RICTOR: variants seen among roughly 807,000 people sequenced by gnomAD.
RICTOR encodes RPTOR independent companion of MTOR complex 2.
In RICTOR, 49 loss-of-function variants were observed where a neutral mutation model predicts 214.9. The ratio of observed to expected loss-of-function variants is 0.23; its 90% CI spans 0.18 to 0.29. RICTOR has a LOEUF of 0.29. Ranked by LOEUF, RICTOR falls within the 10% of genes least tolerant of loss-of-function variation. The probability of loss-of-function intolerance (pLI) is 1.00; values close to 1 mark genes in which losing one functional copy is unlikely to be tolerated. For missense variants in RICTOR, 1,625 were observed against 2,047.0 expected (o/e 0.79, Z 3.98); for synonymous variants, 717 against 711.3 (o/e 1.01, Z -0.13).
chr5:39,028,090 G>C (rs1249556087), intron 2 of RICTOR, among the ~76,000 whole-genome samples: 1 of 149,176 alleles, frequency 6.7e-6, no homozygotes, highest in African/African-American at 2.5e-5. Context: ...AACCACAGAA[G>C]TACCATTACA....
intron 7 of RICTOR, among the ~76,000 whole-genome samples, chr5:38,985,949 G>A (rs1054953505): frequency 1.3e-5 from 2 of 152,018 alleles, no homozygotes; most frequent in African/African-American, 2.4e-5. Context: ...GCCTGCCCCC[G>A]GCCTCCCAAA....
chr5:38,961,016 T>C (rs1056417805), intron 19 of RICTOR, among the ~76,000 whole-genome samples: 6 of 152,076 alleles, frequency 3.9e-5, no homozygotes. Context: ...GTAATTTCTA[T>C]ATTATCTGTA....
At chr5:39,062,525 TTA>T (rs1219652045) in intron 2 of RICTOR, among the ~76,000 whole-genome samples, 2 of 152,084 alleles carry the variant, frequency 1.3e-5, no homozygotes, top group Admixed American at 1.3e-4. Context: ...AAAAATTTTA[TTA>T]TATGAGGGTC....
intron 15 of RICTOR, among the ~76,000 whole-genome samples, chr5:38,966,132 A>C (rs1750196911): frequency 6.6e-6 from 1 of 152,316 alleles, no homozygotes; most frequent in Non-Finnish European, 1.5e-5. Flanking sequence ...CAAAACAAAA[A>C]AAACCCATCT....
chr5:38,954,711 T>C (rs1403596614), intron 27 of RICTOR, 63 bp downstream of exon 27: 9 of 982,594 alleles, frequency 9.2e-6, no homozygotes, highest in South Asian at 8.1e-5. Context: ...ATTTTAGCAA[T>C]GTTAAGATTT....
chr5:38,988,841 C>A (rs113466305), intron 7 of RICTOR, among the ~76,000 whole-genome samples: 29 of 152,180 alleles, frequency 1.9e-4, no homozygotes, highest in African/African-American at 6.7e-4. Flanking sequence ...GAACTACAAA[C>A]CACTGCTCAA....
At chr5:39,057,686 T>C (rs1486817549) in intron 2 of RICTOR, among the ~76,000 whole-genome samples, 1 of 151,968 alleles carries the variant, frequency 6.6e-6, no homozygotes, top group Non-Finnish European at 1.5e-5. Context: ...TGGTAGCTAA[T>C]AATCTACACT....
At chr5:38,985,063 G>A (rs1035283878) in intron 7 of RICTOR, among the ~76,000 whole-genome samples, 4 of 152,050 alleles carry the variant, frequency 2.6e-5, no homozygotes, top group African/African-American at 7.2e-5. Flanking sequence ...CACCCGCCTC[G>A]GCCTCCCAAA....
intron 7 of RICTOR, among the ~76,000 whole-genome samples, 158 bp downstream of exon 7, chr5:38,990,791 A>ATATATAT: frequency 1.3e-5 from 1 of 77,462 alleles, no homozygotes; most frequent in Non-Finnish European, 2.8e-5. Context: ...GAGATATATG[A>ATATATAT]GATATATGAT....
chr5:38,994,451 A>AAAAAAAAAAAAAAAAAAAAAAG lies in RICTOR; in HGVS notation c.456+2367_456+2368insCTTTTTTTTTTTTTTTTTTTTT, dbSNP rs1304761708. 5.1e-4 allele frequency among the ~76,000 whole-genome samples: 52 copies of AAAAAAAAAAAAAAAAAAAAAAG among 101,562 alleles called. 13 individuals carry two copies. The highest frequency in any genetic ancestry group is 1.4e-3 in the East Asian group (5 of 3,496). 66.6% of individuals were successfully genotyped at this position (101,562 alleles called of 152,430 possible). On this transcript the variant is annotated intron_variant, in intron 6 of 37. Transcript: ENST00000357387. ...AAAAAAAAAAAAAAAAAAAAAAAAAAAGTGCTTCAGATGCCAAAAGCACTA... is the reference window on the plus strand; with the variant it reads ...AAAAAAAAAAAAAAAAAAAAAAAAAAAAAAAAAAAAAAAAAAAAAAAGAGTGCTTCAGATGCCAAAAGCACTA...
At chr5:39,068,232 G>A (rs775994209) in intron 2 of RICTOR, among the ~76,000 whole-genome samples, 8 of 152,042 alleles carry the variant, frequency 5.3e-5, no homozygotes, top group South Asian at 2.1e-4. Context: ...AAGGTCAAGC[G>A]AATATTAAAC....
chr5:39,004,446 T>C (rs1409410800), intron 3 of RICTOR, among the ~76,000 whole-genome samples: 2 of 150,072 alleles, frequency 1.3e-5, no homozygotes, highest in East Asian at 3.9e-4. Context: ...GAAAGTCATG[T>C]CATTTATTTC....
rs746262219 is a variant in RICTOR at position 38,947,383 on chromosome 5, T to G, written c.4195A>C (p.Asn1399His). Reference sequence around the variant, plus strand: ...GAAGATCGTTGCAGGGTATTTTGATTAATAGGACTCAATAAATCTTCTTTA... The same window carrying G: ...GAAGATCGTTGCAGGGTATTTTGATGAATAGGACTCAATAAATCTTCTTTA... Reference protein sequence around the residue: ...LDKEDLLSPINQNTLQRSSSV... With the variant: ...LDKEDLLSPIHQNTLQRSSSV... The change falls in exon 32 of 38, where the codon AAT (asparagine) becomes CAT (histidine). Residue 1399 changes from asparagine (N) to histidine (H), a missense_variant. Coordinates refer to ENST00000357387, the MANE Select transcript of RICTOR (RefSeq NM_152756.5). 2.5e-6 allele frequency: 4 copies of G among 1,612,036 alleles called. No homozygotes were observed. Among genetic ancestry groups the G allele is most frequent in the Non-Finnish European group, 3.4e-6 (4 of 1,178,238 alleles).
chr5:39,074,068 C>A, intron 2 of RICTOR, 43 bp downstream of exon 2: 1 of 1,523,082 alleles, frequency 6.6e-7, no homozygotes, highest in Non-Finnish European at 8.8e-7. Flanking sequence ...CCGGCTCCTC[C>A]CCAGCAGCGC....
intron 5 of RICTOR, among the ~76,000 whole-genome samples, chr5:39,001,550 A>G (rs1753617401): frequency 6.6e-6 from 1 of 152,134 alleles, no homozygotes; most frequent in South Asian, 2.1e-4. Flanking sequence ...GATTTCACTA[A>G]TTATGAACTT....
chr5:38,959,159 T>C (rs1749572646), intron 22 of RICTOR, 36 bp downstream of exon 22: 5 of 1,472,532 alleles, frequency 3.4e-6, no homozygotes, highest in Non-Finnish European at 4.6e-6. Flanking sequence ...AATTAATTGG[T>C]TATAAATATA....
In RICTOR at chr5:38,958,729, C is replaced by T. The variant is rs2150014665; in HGVS notation, c.2281G>A (p.Asp761Asn). 6.2e-7 allele frequency: 1 copy of T among 1,611,964 alleles called. No individual in the cohort carries two copies. Among genetic ancestry groups the T allele is most frequent in the Non-Finnish European group, 8.5e-7 (1 of 1,178,950 alleles). The change falls in exon 23 of 38, where the codon GAT (aspartate) becomes AAT (asparagine). Residue 761 changes from aspartate to asparagine, a missense_variant. Around this residue, in one of 5 missense-constraint regions of RICTOR, gnomAD observed 1,214 missense variants for 1,470.5 expected, o/e 0.83. Transcript: ENST00000357387. ...GIELLVTQLH[D>N]KNKTISSEAL... Reference sequence around the variant, plus strand: ...TCAGAGGAAATCGTTTTGTTTTTATCATGTAGCTGGGTCACTAACAACTCA... The same window carrying T: ...TCAGAGGAAATCGTTTTGTTTTTATTATGTAGCTGGGTCACTAACAACTCA...
intron 36 of RICTOR, 26 bp from the exon 37 acceptor site, chr5:38,942,997 G>A (rs757704270): frequency 3.2e-6 from 5 of 1,544,764 alleles, no homozygotes; most frequent in Non-Finnish European, 4.5e-6. Context: ...ATGGTGTGAT[G>A]AAAACTGTAA....
chr5:39,056,020 C>A lies in RICTOR; in HGVS notation c.97+18091G>T, dbSNP rs566560142. ...CTTATTTGGCCCAATTAAAGTACTTCTCTTAACCCAGAAAGATTTTTAGAA... is the reference window on the plus strand; with the variant it reads ...CTTATTTGGCCCAATTAAAGTACTTATCTTAACCCAGAAAGATTTTTAGAA... On this transcript the variant is annotated intron_variant, in intron 2 of 37. Transcript: ENST00000357387. Among the ~76,000 whole-genome samples the A allele has an allele frequency of 1.9e-4, 29 of 152,338 alleles. No homozygotes were observed. In the South Asian group the frequency reaches 4.4e-3, roughly 23 times the overall value.
Sources: allele counts gnomAD v4.1 joint callset (sites outside exome capture counted in the v4.1 genomes callset), GRCh38; gene constraint gnomAD v4.1.1; regional missense constraint gnomAD v4.1.1; transcripts MANE v1.5; gene names NCBI Gene and HGNC (gene_info 2026-07-23, HGNC 2026-07-21).